Variants in SNAP91 observed in about 807,000 individuals in gnomAD.
SNAP91 encodes the protein synaptosome associated protein 91.
Under a neutral mutation model 100.3 loss-of-function variants are expected in SNAP91, and 27 were observed. That is an observed-to-expected ratio of 0.27 (90% CI 0.20 to 0.37). The LOEUF (loss-of-function observed/expected upper bound fraction) is 0.37. SNAP91 is among the 10% of genes least tolerant of loss of function. The pLI, the probability that SNAP91 is intolerant of heterozygous loss-of-function variation, is 1.00. For missense variants in SNAP91, 986 were observed against 1,123.7 expected, an observed-to-expected ratio of 0.88 and a Z score of 1.75; for synonymous variants, 404 against 398.6, an observed-to-expected ratio of 1.01 and a Z score of -0.16.
rs80056227 is a variant in SNAP91 at position 83,684,299 on chromosome 6, G to A, written c.131-18718C>T. ...GGTTCAGATGAGGAACATGGGTTGG[G>A]AAAGGCTGACACAGACCTCCTGCCA... On this transcript the variant is annotated intron_variant, in intron 2 of 29. Transcript: ENST00000369694. Among the ~76,000 whole-genome samples the A allele has an allele frequency of 9.4e-3, 1,428 of 152,206 alleles. 26 individuals are homozygous for A. Among genetic ancestry groups the A allele is most frequent in the African/African-American group, 0.032 (1,334 of 41,522 alleles).
intron 5 of SNAP91, among the ~76,000 whole-genome samples, chr6:83,661,039 C>G (rs1183150418): frequency 6.6e-6 from 1 of 152,164 alleles, no homozygotes; most frequent in Non-Finnish European, 1.5e-5. Flanking sequence ...AACTCCTGAG[C>G]TCAAATGATC....
Position 83,707,940 on chromosome 6 carries a change from C to G in SNAP91, c.-13G>C. Reference sequence around the variant, plus strand: ...TTTGGCCCGACATCTTCTGTGGTCGCGTCTACCGCCTCCTCTTCTGCAGGA... The same window carrying G: ...TTTGGCCCGACATCTTCTGTGGTCGGGTCTACCGCCTCCTCTTCTGCAGGA... On this transcript the variant is annotated 5_prime_UTR_variant, in exon 2 of 30. Transcript: ENST00000369694. 1 of 1,566,444 alleles carries G rather than the reference C, an allele frequency of 6.4e-7. No homozygotes were observed. Among genetic ancestry groups the G allele is most frequent in the Admixed American group, 2.0e-5 (1 of 49,776 alleles).
intron 8 of SNAP91, among the ~76,000 whole-genome samples, chr6:83,634,788 A>C (rs539044994): frequency 6.6e-6 from 1 of 152,078 alleles, no homozygotes; most frequent in African/African-American, 2.4e-5. Flanking sequence ...AGTGCTATAA[A>C]CTTTCCTCTT....
intron 14 of SNAP91, among the ~76,000 whole-genome samples, chr6:83,603,998 TA>T (rs1353768601): frequency 6.6e-6 from 1 of 152,186 alleles, no homozygotes; most frequent in African/African-American, 2.4e-5. Flanking sequence ...TGAAAATGAA[TA>T]AAAATGTTAT....
chr6:83,592,368 A>G, intron 21 of SNAP91, 87 bp downstream of exon 21: 1 of 944,366 alleles, frequency 1.1e-6, no homozygotes, highest in South Asian at 2.1e-5. Context: ...GCCTAAAGAA[A>G]AAATGATGAA....
intron 2 of SNAP91, among the ~76,000 whole-genome samples, chr6:83,684,156 C>T (rs1486668736): frequency 6.6e-6 from 1 of 152,136 alleles, no homozygotes; most frequent in East Asian, 1.9e-4. Context: ...TCCCAATACC[C>T]TAAAGCAGTC....
At chr6:83,612,780 A>C (rs2096224899) in intron 11 of SNAP91, among the ~76,000 whole-genome samples, 1 of 151,696 alleles carries the variant, frequency 6.6e-6, no homozygotes, top group South Asian at 2.1e-4. Flanking sequence ...AATCCCAGCT[A>C]CTCAGGAGGC....
chr6:83,642,121 A>G (rs2097729391), intron 7 of SNAP91, among the ~76,000 whole-genome samples: 1 of 151,982 alleles, frequency 6.6e-6, no homozygotes, highest in Non-Finnish European at 1.5e-5. Flanking sequence ...CATCTTCTTT[A>G]TAAGTTCATT....
intron 6 of SNAP91, among the ~76,000 whole-genome samples, chr6:83,657,761 A>G (rs2098441682): frequency 9.2e-6 from 1 of 108,460 alleles, no homozygotes; most frequent in Non-Finnish European, 1.9e-5. Context: ...TTCATGAATC[A>G]GATTTCAGAT....
At chr6:83,697,324 GCACACACACACACA>G (rs57251608) in intron 2 of SNAP91, among the ~76,000 whole-genome samples, 182 of 138,148 alleles carry the variant, frequency 1.3e-3, no homozygotes, top group Admixed American at 3.7e-3. Context: ...GAAAATAGCT[GCACACACACACACA>G]CACACACACA....
At chr6:83,693,839 T>C (rs2099161320) in intron 2 of SNAP91, among the ~76,000 whole-genome samples, 1 of 152,222 alleles carries the variant, frequency 6.6e-6, no homozygotes, top group Non-Finnish European at 1.5e-5. Flanking sequence ...TCTGGGTCTA[T>C]GTAAATCTAG....
chr6:83,624,004 A>T (rs915794699), intron 8 of SNAP91, among the ~76,000 whole-genome samples: 5 of 152,136 alleles, frequency 3.3e-5, no homozygotes, highest in Admixed American at 1.3e-4. Flanking sequence ...TTAATTAGTA[A>T]CTTATTAATG....
At chr6:83,698,165 G>A (rs909362097) in intron 2 of SNAP91, among the ~76,000 whole-genome samples, 3 of 152,106 alleles carry the variant, frequency 2.0e-5, no homozygotes, top group Non-Finnish European at 2.9e-5. Flanking sequence ...GTATGTGTGT[G>A]TGTGTAGGCA....
At chr6:83,677,509 G>T (rs908283154) in intron 2 of SNAP91, among the ~76,000 whole-genome samples, 1 of 152,150 alleles carries the variant, frequency 6.6e-6, no homozygotes, top group African/African-American at 2.4e-5. Flanking sequence ...CTTCAGAAGG[G>T]GATGGTGGAG....
chr6:83,613,600 A>G (rs978870099), intron 11 of SNAP91, among the ~76,000 whole-genome samples: 13 of 152,198 alleles, frequency 8.5e-5, no homozygotes, highest in African/African-American at 3.1e-4. Context: ...TAACTTTCCC[A>G]TGTCTCATCA....
chr6:83,701,655 C>T (rs188189322), intron 2 of SNAP91, among the ~76,000 whole-genome samples: 3 of 152,226 alleles, frequency 2.0e-5, no homozygotes, highest in East Asian at 3.9e-4. Context: ...ATCATGTTGG[C>T]CAGGCTGGTC....
At position 83,696,719 on chromosome 6, in the gene SNAP91, C is replaced by T. The variant is rs547852874; in HGVS notation, c.130+11079G>A. On this transcript the variant is annotated intron_variant, in intron 2 of 29. Coordinates refer to ENST00000369694, the MANE Select transcript of SNAP91 (RefSeq NM_001242792.2). The stretch of plus-strand genomic sequence containing the variant: ...CATCTCTTCCTCTGCAAAGTGCCTC[C>T]GCTGTAGTCTTCACCTTCCTTATTA... Among the ~76,000 whole-genome samples, 22 of 152,244 alleles carry T rather than the reference C, an allele frequency of 1.4e-4. 1 individual carries two copies. The South Asian group carries it at 4.2e-3, about 29-fold the overall frequency.
chr6:83,583,824 G>A (rs1831904883), intron 22 of SNAP91, among the ~76,000 whole-genome samples: 1 of 152,120 alleles, frequency 6.6e-6, no homozygotes, highest in Admixed American at 6.5e-5. Flanking sequence ...TCTAAAGCAG[G>A]TGGCAATGCT....
At chr6:83,696,338 G>A (rs1235471824) in intron 2 of SNAP91, among the ~76,000 whole-genome samples, 7 of 152,024 alleles carry the variant, frequency 4.6e-5, no homozygotes, top group Non-Finnish European at 7.4e-5. Flanking sequence ...TACATATTAG[G>A]GCACCTATTC....
Sources: allele counts gnomAD v4.1 joint callset (sites outside exome capture counted in the v4.1 genomes callset), GRCh38; gene constraint gnomAD v4.1.1; transcripts MANE v1.5; gene names NCBI Gene and HGNC (gene_info 2026-07-23, HGNC 2026-07-21).